Variants in STK39 observed in about 807,000 individuals in gnomAD.
STK39 encodes STE20/SPS1-related proline-alanine-rich protein kinase.
STK39 carries 20 observed loss-of-function variants against 77.8 expected under a neutral mutation model. That is an observed-to-expected ratio of 0.26 (90% CI 0.18 to 0.37). The LOEUF (loss-of-function observed/expected upper bound fraction) is 0.37, where lower values mean the gene tolerates loss of function less well. Ranked by LOEUF, STK39 falls within the 10% of genes least tolerant of loss-of-function variation. STK39 has a pLI of 1.00. For synonymous variants in STK39, 246 were observed against 234.1 expected, an observed-to-expected ratio of 1.05 and a Z score of -0.47; for missense variants, 479 against 656.5, an observed-to-expected ratio of 0.73 and a Z score of 2.95.
chr2:168,069,549 T>A (rs1002559453), intron 12 of STK39, among the ~76,000 whole-genome samples: 1 of 152,194 alleles, frequency 6.6e-6, no homozygotes, highest in African/African-American at 2.4e-5. Context: ...TCTGAAACAT[T>A]TTCTTTTTCC....
intron 10 of STK39, among the ~76,000 whole-genome samples, chr2:168,117,864 G>A (rs1466930606): frequency 1.3e-5 from 2 of 152,084 alleles, no homozygotes; most frequent in Non-Finnish European, 2.9e-5. Context: ...GCGGGAACTT[G>A]TATCTTATCC....
intron 10 of STK39, among the ~76,000 whole-genome samples, chr2:168,127,771 C>T (rs1487852494): frequency 2.0e-5 from 3 of 152,000 alleles, no homozygotes; most frequent in Non-Finnish European, 4.4e-5. Flanking sequence ...TTAGAAATGC[C>T]TAAGAAAGAA....
At chr2:168,055,108 G>C (rs12470996) in intron 14 of STK39, among the ~76,000 whole-genome samples, 6,081 of 152,180 alleles carry the variant, frequency 0.04, 282 homozygotes, top group East Asian at 0.2. Context: ...TACTAAAAAA[G>C]CACTGCATAA....
intron 3 of STK39, among the ~76,000 whole-genome samples, chr2:168,166,366 A>G: frequency 6.6e-6 from 1 of 152,248 alleles, no homozygotes; most frequent in East Asian, 1.9e-4. Context: ...AATAAAATAC[A>G]GGATGTGAAA....
chr2:168,168,039 T>G (rs182780315), intron 2 of STK39, among the ~76,000 whole-genome samples: 1 of 152,314 alleles, frequency 6.6e-6, no homozygotes, highest in East Asian at 1.9e-4. Flanking sequence ...ATATATCTCA[T>G]TCTAAAAGAA....
chr2:168,208,378 C>A (rs1029581131), intron 1 of STK39, among the ~76,000 whole-genome samples: 5 of 152,146 alleles, frequency 3.3e-5, no homozygotes, highest in Admixed American at 3.3e-4. Context: ...AACAACAGAA[C>A]CAACAGAAAC....
At chr2:168,015,925 C>T (rs758630914) in intron 15 of STK39, among the ~76,000 whole-genome samples, 5 of 152,050 alleles carry the variant, frequency 3.3e-5, no homozygotes, top group Non-Finnish European at 4.4e-5. Flanking sequence ...TCCATCAGGG[C>T]TTTATGTCCA....
chr2:167,978,358 T>A (rs1279367711), intron 16 of STK39, among the ~76,000 whole-genome samples: 1 of 152,006 alleles, frequency 6.6e-6, no homozygotes, highest in African/African-American at 2.4e-5. Context: ...CTAAATACCA[T>A]CCCAAGGTTA....
At chr2:168,024,254 G>C (rs983211479) in intron 14 of STK39, among the ~76,000 whole-genome samples, 5 of 152,200 alleles carry the variant, frequency 3.3e-5, no homozygotes, top group Non-Finnish European at 5.9e-5. Flanking sequence ...AGGAGATAAT[G>C]TGACCCATGC....
At chr2:168,138,273 A>G (rs1159321553) in intron 7 of STK39, 52 bp from the exon 8 acceptor site, 1 of 1,557,702 alleles carries the variant, frequency 6.4e-7, no homozygotes, top group Non-Finnish European at 8.7e-7. Context: ...AATTGCTACA[A>G]TCTAGTTTTG....
At chr2:167,971,268 T>A (rs1458869231) in intron 16 of STK39, among the ~76,000 whole-genome samples, 1 of 152,228 alleles carries the variant, frequency 6.6e-6, no homozygotes, top group African/African-American at 2.4e-5. Flanking sequence ...TGACACAAAC[T>A]GGACTGGGTC....
At chr2:168,144,307 T>C (rs1216001604) in intron 5 of STK39, among the ~76,000 whole-genome samples, 1 of 152,082 alleles carries the variant, frequency 6.6e-6, no homozygotes, top group Non-Finnish European at 1.5e-5. Context: ...TTTTATTTAT[T>C]TATTTTATTT....
intron 10 of STK39, among the ~76,000 whole-genome samples, chr2:168,108,940 G>C (rs992453207): frequency 8.5e-5 from 13 of 152,150 alleles, no homozygotes; most frequent in Admixed American, 5.9e-4. Flanking sequence ...CTTAATCCTT[G>C]TGGAGTGTCC....
At chr2:168,164,494 C>T (rs545890520) in intron 3 of STK39, among the ~76,000 whole-genome samples, 61 of 152,180 alleles carry the variant, frequency 4.0e-4, no homozygotes, top group Non-Finnish European at 7.6e-4. Flanking sequence ...GCAGCCTCAA[C>T]TTCCCAGGCT....
chr2:168,169,670 T>C (rs1688775949), intron 2 of STK39, among the ~76,000 whole-genome samples: 1 of 114,802 alleles, frequency 8.7e-6, no homozygotes, highest in Non-Finnish European at 1.6e-5. Context: ...GTAACTCCTT[T>C]AGAAAACCTG....
intron 12 of STK39, among the ~76,000 whole-genome samples, chr2:168,067,017 T>C (rs895239374): frequency 1.2e-4 from 18 of 152,132 alleles, no homozygotes; most frequent in African/African-American, 4.1e-4. Flanking sequence ...AGGCCAAGAG[T>C]TCGAGGCTAG....
At chr2:167,968,475 A>G (rs1692224034) in intron 16 of STK39, among the ~76,000 whole-genome samples, 1 of 152,252 alleles carries the variant, frequency 6.6e-6, no homozygotes, top group Non-Finnish European at 1.5e-5. Flanking sequence ...TTATTTCACA[A>G]CAACCCCATG....
At chr2:168,134,290 A>G (rs1246742715) in intron 8 of STK39, among the ~76,000 whole-genome samples, 2 of 152,208 alleles carry the variant, frequency 1.3e-5, no homozygotes, top group African/African-American at 4.8e-5. Context: ...GCTAATGCAT[A>G]TGGATGAACC....
chr2:168,202,855 G>GT (rs1211717219), intron 1 of STK39, among the ~76,000 whole-genome samples: 19 of 152,148 alleles, frequency 1.2e-4, no homozygotes, highest in Admixed American at 1.2e-3. Context: ...GCAGAGTATG[G>GT]TAAGTGTGCA....
Sources: gnomAD v4.1 joint callset for allele counts (sites outside exome capture counted in the v4.1 genomes callset) on GRCh38, gnomAD v4.1.1 for gene constraint, MANE v1.5 for transcripts, NCBI Gene and HGNC (gene_info 2026-07-23, HGNC 2026-07-21) for gene names.